Variants in CDH22 observed in about 807,000 individuals in gnomAD.
CDH22 encodes cadherin 22, also known as cadherin-22.
Under a neutral mutation model 58.4 loss-of-function variants are expected in CDH22, and 30 were observed. The observed-to-expected ratio is 0.51, with a 90% confidence interval of 0.38 to 0.70. The LOEUF is 0.70. Ranked by LOEUF, CDH22 falls within the 30% of genes least tolerant of loss-of-function variation. The pLI, the probability that CDH22 is intolerant of heterozygous loss-of-function variation, is 0.00. For synonymous variants in CDH22, 513 were observed against 558.2 expected, an observed-to-expected ratio of 0.92 and a Z score of 1.14; for missense variants, 1,014 against 1,233.9, an observed-to-expected ratio of 0.82 and a Z score of 2.67.
intron 1 of CDH22, among the ~76,000 whole-genome samples, chr20:46,274,513 T>C (rs1044862231): frequency 1.3e-5 from 2 of 152,218 alleles, no homozygotes; most frequent in African/African-American, 2.4e-5. Context: ...TGGAAAACAG[T>C]TTGGTAGTTT....
chr20:46,197,317 T>TATATATATATATATATATATATATAC (rs573324791), intron 8 of CDH22, among the ~76,000 whole-genome samples: 7 of 148,230 alleles, frequency 4.7e-5, no homozygotes, highest in African/African-American at 1.7e-4. Flanking sequence ...TATATATATA[T>TATATATATATATATATATATATATAC]ACATATGAAG....
At chr20:46,252,457 C>T (rs964953447) in intron 1 of CDH22, among the ~76,000 whole-genome samples, 3 of 152,278 alleles carry the variant, frequency 2.0e-5, no homozygotes, top group African/African-American at 2.4e-5. Context: ...ATCCATCTCT[C>T]TTCCCTTCTC....
Position 46,304,098 on chromosome 20 carries a change from T to G in CDH22, c.-400+4157A>C, listed in dbSNP as rs190097408. Among the ~76,000 whole-genome samples, 333 of 152,218 alleles carry G rather than the reference T, an allele frequency of 2.2e-3. 2 individuals are homozygous for G. The highest frequency in any genetic ancestry group is 7.1e-4 in the Non-Finnish European group (48 of 67,994). On this transcript the variant is annotated intron_variant, in intron 1 of 11. Coordinates refer to ENST00000537909, the MANE Select transcript of CDH22 (RefSeq NM_021248.3). ...CACACTGCCGGCTGCATGCAGGGAC[T>G]CCACCTTCCTCAAGGCAAAGGAAGA...
rs374934672 is a variant in CDH22 at position 46,174,624 on chromosome 20, C to T, written c.2369G>A (p.Ser790Asn). ...SPAASLSSLH[S>N]GSSGSEQDFA... Reference sequence around the variant, plus strand: ...GTCCTGCTCGGAGCCCGACGAGCCGCTGTGCAGGGAGCTGAGCGAGGCGGC... The same window carrying T: ...GTCCTGCTCGGAGCCCGACGAGCCGTTGTGCAGGGAGCTGAGCGAGGCGGC... Residue 790 changes from serine to asparagine, a missense_variant, in exon 12 of 12, where the codon AGC (serine) becomes AAC (asparagine). By Grantham distance (46) the Ser-to-Asn change is conservative. Coordinates refer to ENST00000537909, the MANE Select transcript of CDH22 (RefSeq NM_021248.3). The surrounding 1 kb of genome is among the most constrained non-coding windows in gnomAD (Gnocchi z 4.4). 1.8e-4 allele frequency: 271 copies of T among 1,547,552 alleles called. No individual in the cohort carries two copies. The highest frequency in any genetic ancestry group is 2.1e-4 in the Non-Finnish European group (247 of 1,151,734).
At chr20:46,283,530 C>G (rs1600726466) in intron 1 of CDH22, among the ~76,000 whole-genome samples, 1 of 152,240 alleles carries the variant, frequency 6.6e-6, no homozygotes, top group East Asian at 1.9e-4. Flanking sequence ...AGAAATGACC[C>G]TCATTTTACA....
At chr20:46,257,634 T>C (rs2086412911) in intron 1 of CDH22, among the ~76,000 whole-genome samples, 1 of 152,172 alleles carries the variant, frequency 6.6e-6, no homozygotes, top group East Asian at 1.9e-4. Flanking sequence ...TTACAATCAG[T>C]TTTTGGACAG....
At chr20:46,196,842 C>T (rs1440260708) in intron 8 of CDH22, among the ~76,000 whole-genome samples, 1 of 152,194 alleles carries the variant, frequency 6.6e-6, no homozygotes, top group African/African-American at 2.4e-5. Flanking sequence ...TACTAAGCAC[C>T]AACCACTAGG....
chr20:46,292,691 A>G (rs2145778056), intron 1 of CDH22, among the ~76,000 whole-genome samples: 1 of 152,264 alleles, frequency 6.6e-6, no homozygotes, highest in African/African-American at 2.4e-5. Flanking sequence ...CTCCAGTCAC[A>G]CAGAACTTCT....
intron 8 of CDH22, among the ~76,000 whole-genome samples, chr20:46,198,719 A>G (rs1001663467): frequency 3.3e-5 from 5 of 152,228 alleles, no homozygotes; most frequent in African/African-American, 1.2e-4. Context: ...GCTGCCCCTC[A>G]TCAACCACAC....
intron 7 of CDH22, among the ~76,000 whole-genome samples, chr20:46,204,208 C>T (rs1000326382): frequency 6.6e-6 from 1 of 151,852 alleles, no homozygotes; most frequent in Admixed American, 6.6e-5. Flanking sequence ...GCCTGGCCAA[C>T]GTGGTGAAAC....
chr20:46,204,474 C>G (rs900358973), intron 7 of CDH22, among the ~76,000 whole-genome samples: 6 of 149,448 alleles, frequency 4.0e-5, no homozygotes, highest in Non-Finnish European at 3.0e-5. Flanking sequence ...GAGGTTCGGA[C>G]AAGTGACTAC....
chr20:46,181,650 C>T (rs2085785135), intron 10 of CDH22, among the ~76,000 whole-genome samples: 2 of 141,004 alleles, frequency 1.4e-5, no homozygotes, highest in Non-Finnish European at 3.1e-5. Context: ...CTTCCTCCCT[C>T]CCTCCTTTCT....
At chr20:46,186,522 T>C in intron 10 of CDH22, 66 bp downstream of exon 10, 1 of 1,186,006 alleles carries the variant, frequency 8.4e-7, no homozygotes, top group Non-Finnish European at 1.2e-6. Flanking sequence ...CCTCTGTCTA[T>C]AATATGGGAA....
chr20:46,244,323 G>A (rs542728898), intron 2 of CDH22, among the ~76,000 whole-genome samples: 11 of 152,324 alleles, frequency 7.2e-5, no homozygotes, highest in African/African-American at 2.6e-4. Flanking sequence ...GTCAGACAGG[G>A]GCAATCTGCC....
intron 1 of CDH22, among the ~76,000 whole-genome samples, chr20:46,272,651 G>A (rs2086497377): frequency 6.6e-6 from 1 of 152,182 alleles, no homozygotes; most frequent in South Asian, 2.1e-4. Context: ...CATGAGGAAA[G>A]CTGTTGAGAA....
chr20:46,191,554 A>G (rs1279033890), intron 8 of CDH22, among the ~76,000 whole-genome samples: 1 of 152,122 alleles, frequency 6.6e-6, no homozygotes, highest in African/African-American at 2.4e-5. Flanking sequence ...CATGCCAAGG[A>G]CCAGGGTCTG....
chr20:46,236,543 A>G (rs982442951), intron 3 of CDH22, among the ~76,000 whole-genome samples: 4 of 140,816 alleles, frequency 2.8e-5, no homozygotes, highest in African/African-American at 1.1e-4. Flanking sequence ...ATTTATATAT[A>G]AATATATAAA....
chr20:46,275,262 C>G (rs2086512229), intron 1 of CDH22, among the ~76,000 whole-genome samples: 1 of 152,224 alleles, frequency 6.6e-6, no homozygotes, highest in Non-Finnish European at 1.5e-5. Flanking sequence ...GTTTTCCTTT[C>G]TTGGCAGGCA....
chr20:46,304,828 A>T (rs936785774), intron 1 of CDH22, among the ~76,000 whole-genome samples: 1 of 152,198 alleles, frequency 6.6e-6, no homozygotes, highest in African/African-American at 2.4e-5. Flanking sequence ...AAAGAAAGGG[A>T]TCCTTTTCTG....
Sources: gnomAD v4.1 joint callset for allele counts (sites outside exome capture counted in the v4.1 genomes callset) on GRCh38, gnomAD v4.1.1 for gene constraint, Gnocchi (gnomAD v3.1) non-coding constraint, MANE v1.5 for transcripts, NCBI Gene and HGNC (gene_info 2026-07-23, HGNC 2026-07-21) for gene names.